REPS1: variants seen among roughly 807,000 people sequenced by gnomAD.
REPS1 encodes the protein RALBP1 associated Eps domain containing 1.
REPS1 carries 39 observed loss-of-function variants against 100.9 expected under a neutral mutation model. The observed-to-expected ratio is 0.39, with a 90% CI of 0.30 to 0.50. REPS1 has a LOEUF of 0.50. REPS1 is among the 20% of genes least tolerant of loss of function. REPS1 has a pLI of 0.86. For missense variants in REPS1, 821 were observed against 968.5 expected (o/e 0.85, Z 2.02); for synonymous variants, 324 against 340.3 (o/e 0.95, Z 0.53).
chr6:138,945,841 T>G lies in REPS1; in HGVS notation c.278-144A>C, dbSNP rs542902656. On this transcript the variant is annotated intron_variant, in intron 2 of 19. Transcript: ENST00000450536. ...CACAAAATGTCTATCACCACAAAATTTGGACCACCATCTCCCTTACATTAT... is the reference window on the plus strand; with the variant it reads ...CACAAAATGTCTATCACCACAAAATGTGGACCACCATCTCCCTTACATTAT... 3 of 624,332 alleles carry G rather than the reference T, an allele frequency of 4.8e-6. No individual in the cohort carries two copies. The East Asian group carries it at 9.2e-5, about 19-fold the overall frequency. The allele number at this position is 624,332 out of a possible 1,614,324, so 38.7% of individuals were successfully genotyped here. A position where few individuals can be genotyped will look rare whatever the true frequency, so the allele number is the denominator to read the frequency against.
chr6:138,915,810 A>T, intron 14 of REPS1, 48 bp downstream of exon 14: 1 of 1,293,282 alleles, frequency 7.7e-7, no homozygotes, highest in Non-Finnish European at 1.1e-6. Context: ...GTGTTGGATT[A>T]ACTTTAAAAT....
At chr6:138,914,791 G>C in intron 14 of REPS1, 30 bp from the exon 15 acceptor site, 1 of 1,576,778 alleles carries the variant, frequency 6.3e-7, no homozygotes, top group Non-Finnish European at 8.7e-7. Context: ...CTTCTTTTTA[G>C]TAACTGTATA....
chr6:138,947,496 C>T (rs1008255905), intron 2 of REPS1, among the ~76,000 whole-genome samples: 4 of 152,080 alleles, frequency 2.6e-5, no homozygotes, highest in Non-Finnish European at 4.4e-5. Context: ...AAACTATTCG[C>T]CTAAAATATT....
rs539115693 is a variant in REPS1, at chr6:138,930,402, T to C, written c.1136-304A>G. On this transcript the variant is annotated intron_variant, in intron 8 of 19. Coordinates refer to ENST00000450536, the MANE Select transcript of REPS1 (RefSeq NM_001286611.2). ...TAAAATAATTTTCTGATAACAGAAA[T>C]AGATTTATACCAGTTTCCCAAAGTG... Among the ~76,000 whole-genome samples, 60 of 152,256 alleles carry C rather than the reference T, an allele frequency of 3.9e-4. No individual in the cohort carries two copies. The South Asian group carries it at 0.011, about 28-fold the overall frequency.
chr6:138,952,124 T>C (rs781476340), intron 1 of REPS1, among the ~76,000 whole-genome samples: 5 of 152,074 alleles, frequency 3.3e-5, no homozygotes, highest in Non-Finnish European at 7.4e-5. Flanking sequence ...ATGCTCATGG[T>C]AAAATAAAAT....
intron 1 of REPS1, among the ~76,000 whole-genome samples, chr6:138,984,540 A>G (rs1218093788): frequency 6.6e-6 from 1 of 152,078 alleles, no homozygotes; most frequent in African/African-American, 2.4e-5. Context: ...ACTAGATGCC[A>G]GTAGAACTGC....
At position 138,907,588 on chromosome 6, in the gene REPS1, T is replaced by C; in HGVS notation, c.2229A>G (p.Lys743=). ...SQPSIPRSVG[K]DKKAIQASIR... ...TTGATGCCTGAATAGCTTTCTTATCTTTCCCAACAGATCTGAGAAGATAAA... is the reference window on the plus strand; with the variant it reads ...TTGATGCCTGAATAGCTTTCTTATCCTTCCCAACAGATCTGAGAAGATAAA... The change falls in exon 19 of 20, where the codon AAA becomes AAG. Residue 743 remains lysine, a synonymous_variant. Transcript: ENST00000450536. 1.9e-6 allele frequency: 3 copies of C among 1,611,458 alleles called. No homozygotes were observed. Among genetic ancestry groups the C allele is most frequent in the Non-Finnish European group, 2.5e-6 (3 of 1,177,776 alleles).
At position 138,911,386 on chromosome 6, in the gene REPS1, G is replaced by GT. The variant is rs749370288; in HGVS notation, c.1972-16dup. 1 of 1,509,562 alleles carries GT rather than the reference G, an allele frequency of 6.6e-7. No homozygotes were observed. Among genetic ancestry groups the GT allele is most frequent in the Non-Finnish European group, 9.2e-7 (1 of 1,085,522 alleles). 93.5% of individuals were successfully genotyped at this position (1,509,562 alleles called of 1,614,324 possible). On this transcript the variant is annotated splice_polypyrimidine_tract_variant and intron_variant, in intron 16 of 19. Transcript: ENST00000450536. ...GCTTTTTCAGCCTAAAAATGAATAT[G>GT]TTTATCACTATTAATTCTACATAAC...
intron 1 of REPS1, among the ~76,000 whole-genome samples, chr6:138,973,610 AACAT>A (rs1784450710): frequency 8.3e-6 from 1 of 120,510 alleles, no homozygotes; most frequent in South Asian, 2.3e-4. Context: ...GCCCCCATGA[AACAT>A]ACAGAGTGTA....
chr6:138,960,089 A>G (rs975305394), intron 1 of REPS1, among the ~76,000 whole-genome samples: 2 of 152,246 alleles, frequency 1.3e-5, no homozygotes, highest in South Asian at 2.1e-4. Context: ...GTTGAGGTAT[A>G]TAACAGCCTC....
chr6:138,976,899 A>T (rs1373574986), intron 1 of REPS1, among the ~76,000 whole-genome samples: 4 of 152,234 alleles, frequency 2.6e-5, no homozygotes, highest in African/African-American at 9.6e-5. Flanking sequence ...ATAAAAATCT[A>T]TCAGTACATC....
At chr6:138,938,459 G>C (rs1782005865) in intron 8 of REPS1, among the ~76,000 whole-genome samples, 1 of 152,142 alleles carries the variant, frequency 6.6e-6, no homozygotes. Context: ...ACAAATCGCT[G>C]TATTTTCAAA....
At chr6:138,965,041 G>A (rs1384951973) in intron 1 of REPS1, among the ~76,000 whole-genome samples, 1 of 152,128 alleles carries the variant, frequency 6.6e-6, no homozygotes, top group Non-Finnish European at 1.5e-5. Context: ...TGGTTAAAGA[G>A]ATTCTCCTTA....
intron 8 of REPS1, among the ~76,000 whole-genome samples, chr6:138,931,663 T>TTA (rs2128459081): frequency 6.6e-6 from 1 of 152,266 alleles, no homozygotes; most frequent in South Asian, 2.1e-4. Context: ...ACTTCACATA[T>TTA]TATTCTATGA....
intron 1 of REPS1, among the ~76,000 whole-genome samples, chr6:138,982,582 T>C (rs1401785160): frequency 2.6e-5 from 4 of 152,358 alleles, no homozygotes; most frequent in Non-Finnish European, 5.9e-5. Flanking sequence ...TGGGAAAAGC[T>C]GACTTTTAAG....
At position 138,951,953 on chromosome 6, in the gene REPS1, T is replaced by C. The variant is rs76949276; in HGVS notation, c.154-4040A>G. 1.8e-3 allele frequency among the ~76,000 whole-genome samples: 277 copies of C among 152,318 alleles called. 8 individuals are homozygous for C. The East Asian group carries it at 0.049, about 27-fold the overall frequency. ...TTTCTCTAGCACAGTTATCTGACCA[T>C]GGGAACCACTTGAAATACCTGTTAG... On this transcript the variant is annotated intron_variant, in intron 1 of 19. Transcript: ENST00000450536.
At chr6:138,943,464 A>C (rs774005348) in intron 7 of REPS1, 49 bp downstream of exon 7, 1 of 1,146,780 alleles carries the variant, frequency 8.7e-7, no homozygotes, top group Non-Finnish European at 1.3e-6. Flanking sequence ...TCTGCTAGAA[A>C]CTCCTTGGAA....
At chr6:138,973,801 G>A (rs765475054) in intron 1 of REPS1, among the ~76,000 whole-genome samples, 1 of 152,054 alleles carries the variant, frequency 6.6e-6, no homozygotes, top group Non-Finnish European at 1.5e-5. Context: ...CAATGCTGAT[G>A]TAGTAGGCAC....
At chr6:138,916,213 TTTTTC>T (rs1335129513) in intron 13 of REPS1, 4 of 351,074 alleles carry the variant, frequency 1.1e-5, no homozygotes, top group Admixed American at 5.1e-5. Flanking sequence ...AAAATTTCTT[TTTTTC>T]TTTTTTTTTT....
Sources: allele counts gnomAD v4.1 joint callset (sites outside exome capture counted in the v4.1 genomes callset), GRCh38; gene constraint gnomAD v4.1.1; transcripts MANE v1.5; gene names NCBI Gene and HGNC (gene_info 2026-07-23, HGNC 2026-07-21).